ANKRD44: variants seen among roughly 807,000 people sequenced by gnomAD.
ANKRD44 encodes serine/threonine-protein phosphatase 6 regulatory ankyrin repeat subunit B.
In ANKRD44, 35 loss-of-function variants were observed where a neutral mutation model predicts 116.0. That is an observed-to-expected ratio of 0.30 (90% CI 0.23 to 0.40). The LOEUF (loss-of-function observed/expected upper bound fraction) is 0.40, where lower values mean the gene tolerates loss of function less well. ANKRD44 is among the 10% of genes least tolerant of loss of function. ANKRD44 has a pLI of 1.00. For synonymous variants in ANKRD44, 435 were observed against 461.8 expected, an observed-to-expected ratio of 0.94 and a Z score of 0.74; for missense variants, 1,014 against 1,242.6, an observed-to-expected ratio of 0.82 and a Z score of 2.77.
At chr2:197,020,774 C>A (rs2076480759) in intron 17 of ANKRD44, among the ~76,000 whole-genome samples, 1 of 149,854 alleles carries the variant, frequency 6.7e-6, no homozygotes, top group African/African-American at 2.5e-5. Context: ...ACAATTATTT[C>A]TTTTTTTTTA....
intron 2 of ANKRD44, among the ~76,000 whole-genome samples, chr2:197,171,996 CTTCT>C (rs1409495970): frequency 0.11 from 3,366 of 29,298 alleles, 107 homozygotes; most frequent in Middle Eastern, 0.33. Flanking sequence ...CGTTATTTTT[CTTCT>C]TTTTTTTTTT....
chr2:197,036,762 G>A (rs112008339), intron 16 of ANKRD44, among the ~76,000 whole-genome samples: 154 of 152,258 alleles, frequency 1.0e-3, no homozygotes, highest in Non-Finnish European at 1.0e-3. Context: ...AAATAGATCC[G>A]AATGCAACAT....
At chr2:197,139,050 G>A (rs1376698343) in intron 3 of ANKRD44, among the ~76,000 whole-genome samples, 1 of 152,074 alleles carries the variant, frequency 6.6e-6, no homozygotes, top group South Asian at 2.1e-4. Flanking sequence ...CAAGGGTATG[G>A]AGCAACAGGA....
At chr2:197,244,669 G>C (rs911161788) in intron 1 of ANKRD44, among the ~76,000 whole-genome samples, 1 of 152,164 alleles carries the variant, frequency 6.6e-6, no homozygotes, top group South Asian at 2.1e-4. Flanking sequence ...CTCAGCTTAC[G>C]ATTATTCACC....
intron 8 of ANKRD44, among the ~76,000 whole-genome samples, chr2:197,117,960 C>T (rs2078752554): frequency 6.6e-6 from 1 of 152,028 alleles, no homozygotes; most frequent in Admixed American, 6.5e-5. Context: ...GCCTGTAATC[C>T]CAGCACTTTG....
intron 10 of ANKRD44, among the ~76,000 whole-genome samples, chr2:197,093,117 CA>C (rs2078080607): frequency 6.6e-6 from 1 of 151,904 alleles, no homozygotes; most frequent in Non-Finnish European, 1.5e-5. Context: ...CACACACACA[CA>C]CACACATATG....
intron 21 of ANKRD44, among the ~76,000 whole-genome samples, chr2:196,980,019 T>G (rs1337629095): frequency 6.6e-6 from 1 of 152,206 alleles, no homozygotes; most frequent in Non-Finnish European, 1.5e-5. Context: ...CTAGAAAATA[T>G]GTTCTTATCT....
chr2:197,003,320 A>G (rs1398076280), intron 21 of ANKRD44, among the ~76,000 whole-genome samples: 1 of 152,084 alleles, frequency 6.6e-6, no homozygotes, highest in Non-Finnish European at 1.5e-5. Context: ...GAAAAAAAAA[A>G]GCCAGCAGCT....
At chr2:197,006,006 T>A (rs1321239051) in intron 20 of ANKRD44, 96 bp from the exon 21 acceptor site, 6 of 1,127,144 alleles carry the variant, frequency 5.3e-6, no homozygotes, top group Non-Finnish European at 7.9e-6. Flanking sequence ...CAAGTGGACA[T>A]ATGCCTGGGT....
At chr2:196,985,996 G>A (rs1214040259), downstream of ANKRD44, among the ~76,000 whole-genome samples, 5 of 152,176 alleles carry the variant, frequency 3.3e-5, no homozygotes, top group Admixed American at 6.5e-5. Flanking sequence ...CAATTTTGAG[G>A]ACCTAATAAG....
At chr2:197,257,576 A>C (rs1413281602) in intron 1 of ANKRD44, among the ~76,000 whole-genome samples, 1 of 152,202 alleles carries the variant, frequency 6.6e-6, no homozygotes, top group Non-Finnish European at 1.5e-5. Context: ...TTTTATAACT[A>C]AAAGAGTATA....
chr2:197,131,775 C>T (rs954595093), intron 4 of ANKRD44, among the ~76,000 whole-genome samples: 3 of 152,178 alleles, frequency 2.0e-5, no homozygotes, highest in Non-Finnish European at 4.4e-5. Flanking sequence ...CTAAAAGCCA[C>T]ACTTTGTACA....
chr2:197,156,573 C>A (rs1029509638), intron 2 of ANKRD44, among the ~76,000 whole-genome samples: 1 of 152,182 alleles, frequency 6.6e-6, no homozygotes. Context: ...CATACAACTA[C>A]CATATAAGCT....
At chr2:197,281,017 TCTG>T (rs2083248491) in intron 1 of ANKRD44, among the ~76,000 whole-genome samples, 1 of 151,944 alleles carries the variant, frequency 6.6e-6, no homozygotes, top group Admixed American at 6.6e-5. Flanking sequence ...AATCTTAAGC[TCTG>T]CTTTTTTTTT....
chr2:197,292,549 T>C (rs2083602850), intron 1 of ANKRD44, among the ~76,000 whole-genome samples: 1 of 152,236 alleles, frequency 6.6e-6, no homozygotes, highest in African/African-American at 2.4e-5. Flanking sequence ...TCAACATTTG[T>C]ATTATGCCAG....
intron 6 of ANKRD44, among the ~76,000 whole-genome samples, chr2:197,124,335 G>T (rs1459982735): frequency 3.3e-5 from 5 of 152,042 alleles, no homozygotes; most frequent in African/African-American, 1.2e-4. Context: ...AGGCACATAT[G>T]CTTGTTAAAA....
At chr2:197,096,404 T>G (rs1559058184) in intron 10 of ANKRD44, among the ~76,000 whole-genome samples, 1 of 152,130 alleles carries the variant, frequency 6.6e-6, no homozygotes, top group African/African-American at 2.4e-5. Context: ...ATAGGCAAAT[T>G]AAAATCCTCG....
intron 17 of ANKRD44, chr2:197,015,892 C>T (rs1003645810): frequency 7.8e-5 from 40 of 515,830 alleles, no homozygotes; most frequent in African/African-American, 4.1e-4. Context: ...TTATAGTGGG[C>T]GACAGCAATC....
chr2:197,275,545 A>C (rs1190847729), intron 1 of ANKRD44, among the ~76,000 whole-genome samples: 1 of 152,148 alleles, frequency 6.6e-6, no homozygotes, highest in Non-Finnish European at 1.5e-5. Context: ...CTTATTTAAC[A>C]AATATGTACA....
Sources: allele counts gnomAD v4.1 joint callset (sites outside exome capture counted in the v4.1 genomes callset), GRCh38; gene constraint gnomAD v4.1.1; transcripts MANE v1.5; gene names NCBI Gene and HGNC (gene_info 2026-07-23, HGNC 2026-07-21).